ITGA8: variants seen among roughly 807,000 people sequenced by gnomAD.
ITGA8 encodes integrin alpha-8.
A neutral mutation model predicts 142.3 loss-of-function variants in ITGA8; 91 were observed. The observed-to-expected ratio is 0.64, with a 90% confidence interval of 0.54 to 0.76. The LOEUF (loss-of-function observed/expected upper bound fraction) is 0.76. ITGA8 is among the 30% of genes least tolerant of loss of function. The probability of loss-of-function intolerance (pLI) is 0.00; values close to 1 mark genes in which losing one functional copy is unlikely to be tolerated. For missense variants in ITGA8, 1,406 were observed against 1,327.7 expected (o/e 1.06, Z -0.92); for synonymous variants, 505 against 485.2 (o/e 1.04, Z -0.54).
intron 11 of ITGA8, among the ~76,000 whole-genome samples, chr10:15,649,199 C>G (rs118145122): frequency 0.011 from 1,726 of 151,776 alleles, 15 homozygotes; most frequent in Non-Finnish European, 0.018. Context: ...GTAAAATGTA[C>G]AAAGAATTCT....
chr10:15,543,001 A>G (rs565194069), intron 27 of ITGA8, among the ~76,000 whole-genome samples: 5 of 152,324 alleles, frequency 3.3e-5, no homozygotes, highest in African/African-American at 7.2e-5. Flanking sequence ...CATCAACACA[A>G]TAAAAAAGTA....
chr10:15,533,608 T>C (rs1009065184), intron 27 of ITGA8, among the ~76,000 whole-genome samples: 58 of 152,174 alleles, frequency 3.8e-4, no homozygotes, highest in African/African-American at 6.0e-4. Context: ...TTTTCTTTTA[T>C]CTCCAAGTTC....
chr10:15,660,828 G>A (rs772571478), intron 9 of ITGA8, 51 bp downstream of exon 9: 10 of 1,388,996 alleles, frequency 7.2e-6, no homozygotes, highest in South Asian at 1.2e-5. Flanking sequence ...CCATCAAGGA[G>A]CACCTATACA....
rs1323538749 is a variant in ITGA8, at chr10:15,597,256, G to C, written c.2162C>G (p.Thr721Ser). 1 of 1,613,904 alleles carries C rather than the reference G, an allele frequency of 6.2e-7. No homozygotes were observed. Among genetic ancestry groups the C allele is most frequent in the African/African-American group, 1.3e-5 (1 of 74,868 alleles). The change falls in exon 21 of 30, where the codon ACC becomes AGC. Residue 721 changes from threonine (T) to serine (S), a missense_variant. Coordinates refer to ENST00000378076, the MANE Select transcript of ITGA8 (RefSeq NM_003638.3). ...CCCAAGGTCACACACCACCATCCTG[G>C]TTACATTTTCCATCTTGTACTCACA... ...LSCEYKMENV[T>S]RMVVCDLGNP...
chr10:15,709,536 T>G (rs796480386), intron 2 of ITGA8, among the ~76,000 whole-genome samples: 5 of 152,350 alleles, frequency 3.3e-5, no homozygotes, highest in African/African-American at 1.2e-4. Flanking sequence ...TGACACTACT[T>G]CATGAGTTTA....
intron 2 of ITGA8, among the ~76,000 whole-genome samples, chr10:15,703,391 C>T (rs748073558): frequency 2.0e-5 from 3 of 152,204 alleles, no homozygotes; most frequent in Non-Finnish European, 2.9e-5. Context: ...TTCCACATCA[C>T]ATACTATCAT....
intron 10 of ITGA8, among the ~76,000 whole-genome samples, chr10:15,656,489 G>C (rs1043479394): frequency 6.6e-6 from 1 of 151,900 alleles, no homozygotes; most frequent in African/African-American, 2.4e-5. Context: ...TCAGCCTCCT[G>C]AGTAACTGGG....
chr10:15,566,419 A>G (rs760363659), intron 25 of ITGA8, among the ~76,000 whole-genome samples: 4 of 152,190 alleles, frequency 2.6e-5, no homozygotes, highest in Non-Finnish European at 5.9e-5. Context: ...ATATGTGGGC[A>G]TCTTATCGGT....
chr10:15,667,985 T>C (rs1040949102), intron 8 of ITGA8, among the ~76,000 whole-genome samples: 1 of 151,934 alleles, frequency 6.6e-6, no homozygotes, highest in African/African-American at 2.4e-5. Flanking sequence ...CTGAAAAGAA[T>C]GTATATTCTG....
chr10:15,613,393 G>C (rs1440847933), intron 15 of ITGA8, among the ~76,000 whole-genome samples: 2 of 152,030 alleles, frequency 1.3e-5, no homozygotes, highest in African/African-American at 4.8e-5. Flanking sequence ...ATCTCACCTA[G>C]AGCCTATAGA....
intron 23 of ITGA8, among the ~76,000 whole-genome samples, chr10:15,577,457 T>C (rs1276844718): frequency 6.6e-6 from 1 of 152,150 alleles, no homozygotes; most frequent in Non-Finnish European, 1.5e-5. Flanking sequence ...TGGGGGCTCC[T>C]AAGCTGCAGT....
intron 28 of ITGA8, among the ~76,000 whole-genome samples, chr10:15,524,289 A>G (rs1404996949): frequency 1.3e-5 from 2 of 152,196 alleles, no homozygotes; most frequent in Non-Finnish European, 2.9e-5. Context: ...AATACAGAAA[A>G]CCAACAACAG....
At position 15,523,756 on chromosome 10, in the gene ITGA8, CAAA is replaced by C. The variant is rs11388685; in HGVS notation, c.2983-4347_2983-4345del. On this transcript the variant is annotated intron_variant, in intron 28 of 29. Transcript: ENST00000378076. ...GAAACCCCATCTCTACTAAAAATAC[CAAA>C]AAAAAAAAAAAAAAAAATTAGACAG... is the stretch of plus-strand genomic sequence containing the variant. 8.7e-3 allele frequency among the ~76,000 whole-genome samples: 1,015 copies of C among 117,098 alleles called. 10 individuals carry two copies. Among genetic ancestry groups the C allele is most frequent in the African/African-American group, 0.03 (955 of 31,610 alleles). The allele number at this position is 117,098 out of a possible 152,430, so 76.8% of individuals were successfully genotyped here. A position where few individuals can be genotyped will look rare whatever the true frequency, so the allele number is the denominator to read the frequency against.
intron 2 of ITGA8, among the ~76,000 whole-genome samples, chr10:15,714,844 C>A (rs1169521985): frequency 1.3e-5 from 2 of 152,022 alleles, no homozygotes; most frequent in African/African-American, 2.4e-5. Flanking sequence ...AGTTGGTTAC[C>A]AGAGCAGAAT....
chr10:15,705,239 C>G (rs781199886), intron 2 of ITGA8, among the ~76,000 whole-genome samples: 7 of 152,180 alleles, frequency 4.6e-5, no homozygotes, highest in Non-Finnish European at 1.0e-4. Flanking sequence ...TTTCATGACT[C>G]CACTTTGCCA....
At chr10:15,711,628 A>G (rs1835365352) in intron 2 of ITGA8, among the ~76,000 whole-genome samples, 2 of 152,010 alleles carry the variant, frequency 1.3e-5, no homozygotes, top group East Asian at 3.9e-4. Context: ...ACCACAATCA[A>G]GATATAGAAA....
intron 21 of ITGA8, among the ~76,000 whole-genome samples, chr10:15,592,543 C>T (rs1832944890): frequency 6.6e-6 from 1 of 152,204 alleles, no homozygotes; most frequent in Admixed American, 6.5e-5. Context: ...TCTTCTCCTG[C>T]CACCTTTTTG....
chr10:15,704,933 CA>C (rs1835230097), intron 2 of ITGA8, among the ~76,000 whole-genome samples: 1 of 152,156 alleles, frequency 6.6e-6, no homozygotes, highest in Admixed American at 6.6e-5. Flanking sequence ...TGCCTGCTGC[CA>C]AAAGATATAG....
At chr10:15,637,059 C>T (rs1833783534) in intron 13 of ITGA8, among the ~76,000 whole-genome samples, 2 of 152,288 alleles carry the variant, frequency 1.3e-5, no homozygotes, top group South Asian at 4.1e-4. Context: ...GCAGGAGAAT[C>T]CCTTGAACCT....
Sources: allele counts gnomAD v4.1 joint callset (sites outside exome capture counted in the v4.1 genomes callset), GRCh38; gene constraint gnomAD v4.1.1; transcripts MANE v1.5; gene names NCBI Gene and HGNC (gene_info 2026-07-23, HGNC 2026-07-21).